METAP1D: variants seen among roughly 807,000 people sequenced by gnomAD.
METAP1D encodes methionyl aminopeptidase type 1D, mitochondrial.
In METAP1D, 31 loss-of-function variants were observed where a neutral mutation model predicts 40.5. That is an observed-to-expected ratio of 0.77 (90% CI 0.58 to 1.03). The LOEUF is 1.03. METAP1D is among the 50% of genes least tolerant of loss of function. METAP1D has a pLI of 0.00. For missense variants in METAP1D, 411 were observed against 420.7 expected, an observed-to-expected ratio of 0.98 and a Z score of 0.20; for synonymous variants, 151 against 146.4, an observed-to-expected ratio of 1.03 and a Z score of -0.22.
chr2:172,028,317 G>T (rs1406596956), intron 1 of METAP1D, among the ~76,000 whole-genome samples: 1 of 152,204 alleles, frequency 6.6e-6, no homozygotes, highest in Non-Finnish European at 1.5e-5. Flanking sequence ...GGAGCAGAAA[G>T]GGGGCCCCTG....
intron 1 of METAP1D, among the ~76,000 whole-genome samples, chr2:172,033,089 T>A (rs1689276875): frequency 6.6e-6 from 1 of 151,074 alleles, no homozygotes; most frequent in African/African-American, 2.4e-5. Flanking sequence ...TAAATAAAAA[T>A]AAAAAAATCA....
intron 1 of METAP1D, among the ~76,000 whole-genome samples, chr2:172,053,333 C>T (rs1321990102): frequency 6.6e-6 from 1 of 152,184 alleles, no homozygotes; most frequent in African/African-American, 2.4e-5. Flanking sequence ...GCTATAGTCC[C>T]TTCTGAGCTT....
intron 1 of METAP1D, among the ~76,000 whole-genome samples, chr2:172,015,002 A>G (rs1688822893): frequency 6.6e-6 from 1 of 152,210 alleles, no homozygotes; most frequent in South Asian, 2.1e-4. Flanking sequence ...TTGACTGGAT[A>G]GGTGAAAAGA....
chr2:172,043,651 G>A (rs981673269), intron 1 of METAP1D, among the ~76,000 whole-genome samples: 4 of 133,810 alleles, frequency 3.0e-5, no homozygotes, highest in African/African-American at 1.0e-4. Context: ...ATTTATTGTA[G>A]CAACCAAGGA....
At chr2:172,057,026 A>T (rs1345604371) in intron 1 of METAP1D, among the ~76,000 whole-genome samples, 2 of 152,206 alleles carry the variant, frequency 1.3e-5, no homozygotes, top group Non-Finnish European at 2.9e-5. Context: ...AACAAAACAC[A>T]CTAGCGAATA....
chr2:172,036,795 G>C (rs13020884), intron 1 of METAP1D, among the ~76,000 whole-genome samples: 1 of 152,008 alleles, frequency 6.6e-6, no homozygotes, highest in East Asian at 1.9e-4. Flanking sequence ...TTCCAAGGTG[G>C]TTGTACCAGT....
chr2:172,074,834 T>C (rs1442420924), intron 6 of METAP1D, among the ~76,000 whole-genome samples: 2 of 152,228 alleles, frequency 1.3e-5, no homozygotes, highest in African/African-American at 4.8e-5. Context: ...ATTTGGAGAT[T>C]AGTGCTGTTT....
Position 172,063,819 on chromosome 2 carries a change from C to G in METAP1D, c.307C>G (p.Leu103Val). 1.2e-6 allele frequency: 2 copies of G among 1,613,878 alleles called. No individual in the cohort carries two copies. The highest frequency in any genetic ancestry group is 1.7e-6 in the Non-Finnish European group (2 of 1,179,908). ...TCAAGGGCTTCATCAGGCTTGTCAG[C>G]TGGCCCGCCACGTCCTCCTCTTGGC... ...QIQGLHQACQ[L>V]ARHVLLLAGK... The change falls in exon 3 of 10, where the codon CTG becomes GTG. Residue 103 changes from leucine (L) to valine (V), a missense_variant. Transcript: ENST00000315796.
At chr2:172,070,486 A>G (rs1017501357) in intron 5 of METAP1D, among the ~76,000 whole-genome samples, 1 of 152,236 alleles carries the variant, frequency 6.6e-6, no homozygotes, top group Admixed American at 6.5e-5. Context: ...TACAAAATCA[A>G]GTAAGTCTTC....
At chr2:172,027,410 C>G (rs564347398) in intron 1 of METAP1D, among the ~76,000 whole-genome samples, 1 of 152,312 alleles carries the variant, frequency 6.6e-6, no homozygotes, top group Non-Finnish European at 1.5e-5. Flanking sequence ...ATATTCAGTA[C>G]ACTGACATGC....
At chr2:172,063,915 C>CT (rs1574137432) in intron 3 of METAP1D, 55 bp downstream of exon 3, 1 of 1,481,930 alleles carries the variant, frequency 6.7e-7, no homozygotes, top group South Asian at 1.5e-5. Context: ...AAACACTCCT[C>CT]TTTTTTTCCT....
chr2:172,040,023 C>T (rs986192381), intron 1 of METAP1D, among the ~76,000 whole-genome samples: 13 of 150,414 alleles, frequency 8.6e-5, no homozygotes, highest in East Asian at 2.0e-4. Context: ...CTCGCCCTGT[C>T]GCCCAGGCTG....
rs1395729975 is a variant in METAP1D at position 172,021,406 on chromosome 2, T to G, written c.40+21397T>G. On this transcript the variant is annotated intron_variant, in intron 1 of 9. Transcript: ENST00000315796. ...TCTAATGTTTCATTGTAAAGAGTCT[T>G]AAAAGTCAAAATTAATGTCACCTGC... Among the ~76,000 whole-genome samples the G allele has an allele frequency of 2.0e-5, 3 of 152,200 alleles. No homozygotes were observed. In the East Asian group the frequency reaches 5.8e-4, roughly 29 times the overall value.
At chr2:172,028,542 CTGTGTGTGTGTGTGTGTG>C (rs10529698) in intron 1 of METAP1D, among the ~76,000 whole-genome samples, 2,925 of 141,390 alleles carry the variant, frequency 0.021, 33 homozygotes, top group Admixed American at 0.024. Context: ...GTATGTGTGT[CTGTGTGTGTGTGTGTGTG>C]TGTGTGTGTG....
At chr2:172,025,649 G>A (rs898190429) in intron 1 of METAP1D, among the ~76,000 whole-genome samples, 9 of 152,210 alleles carry the variant, frequency 5.9e-5, no homozygotes, top group Non-Finnish European at 1.0e-4. Context: ...TTTTAAATAT[G>A]CATTAGAGAG....
chr2:172,026,982 C>T (rs1361171677), intron 1 of METAP1D, among the ~76,000 whole-genome samples: 2 of 152,154 alleles, frequency 1.3e-5, no homozygotes, highest in Admixed American at 1.3e-4. Flanking sequence ...ATTCCCCATA[C>T]CCCAGTACCC....
chr2:172,004,497 T>C, intron 1 of METAP1D, among the ~76,000 whole-genome samples: 1 of 152,214 alleles, frequency 6.6e-6, no homozygotes, highest in African/African-American at 2.4e-5. Context: ...CTAATTTTTG[T>C]ATTTTTAGTA....
chr2:172,054,216 C>T (rs574816845), intron 1 of METAP1D, among the ~76,000 whole-genome samples: 1 of 152,120 alleles, frequency 6.6e-6, no homozygotes, highest in African/African-American at 2.4e-5. Flanking sequence ...CAGCAACATT[C>T]GTTATTTAAA....
chr2:172,021,101 A>T (rs1470367241), intron 1 of METAP1D, among the ~76,000 whole-genome samples: 3 of 152,222 alleles, frequency 2.0e-5, no homozygotes, highest in Non-Finnish European at 4.4e-5. Flanking sequence ...TTATTAAAAA[A>T]AATCCTATAC....
Sources: gnomAD v4.1 joint callset for allele counts (sites outside exome capture counted in the v4.1 genomes callset) on GRCh38, gnomAD v4.1.1 for gene constraint, MANE v1.5 for transcripts, NCBI Gene and HGNC (gene_info 2026-07-23, HGNC 2026-07-21) for gene names.